ERC1: variants seen among roughly 807,000 people sequenced by gnomAD.
ERC1 encodes RAB6 interacting protein 2.
A neutral mutation model predicts 132.0 loss-of-function variants in ERC1; 56 were observed. That is an observed-to-expected ratio of 0.42 (90% CI 0.34 to 0.53). The LOEUF (loss-of-function observed/expected upper bound fraction) is 0.53. ERC1 is among the 20% of genes least tolerant of loss of function. The pLI is 0.03. For synonymous variants in ERC1, 478 were observed against 476.1 expected, an observed-to-expected ratio of 1.00 and a Z score of -0.05; for missense variants, 1,202 against 1,349.9, an observed-to-expected ratio of 0.89 and a Z score of 1.72.
intron 14 of ERC1, among the ~76,000 whole-genome samples, chr12:1,265,053 T>C (rs2077391802): frequency 6.6e-6 from 1 of 152,212 alleles, no homozygotes; most frequent in South Asian, 2.1e-4. Flanking sequence ...TGTTCCTAGA[T>C]AAATACCTTG....
intron 13 of ERC1, among the ~76,000 whole-genome samples, chr12:1,246,982 A>G (rs554433602): frequency 6.6e-6 from 1 of 152,334 alleles, no homozygotes; most frequent in East Asian, 1.9e-4. Context: ...ACAGAAAATT[A>G]GCTGGGTATA....
chr12:1,096,845 G>A lies in ERC1; in HGVS notation c.1087-7905G>A, dbSNP rs554960345. ...TCACAGCCACCCAGAAGTCCTGTAC[G>A]TGAACCAACCCAGCCAGAACTCTCC... On this transcript the variant is annotated intron_variant, in intron 3 of 18. Transcript: ENST00000360905. Among the ~76,000 whole-genome samples, 27 of 152,236 alleles carry A rather than the reference G, an allele frequency of 1.8e-4. No individual in the cohort carries two copies. In the South Asian group the frequency reaches 2.7e-3, roughly 15 times the overall value.
intron 14 of ERC1, among the ~76,000 whole-genome samples, chr12:1,282,486 G>A (rs1438627315): frequency 6.6e-6 from 1 of 152,072 alleles, no homozygotes; most frequent in Admixed American, 6.5e-5. Context: ...ATAAAATACT[G>A]TACTGCCGGT....
chr12:994,061 C>A (rs985571073), intron 1 of ERC1, among the ~76,000 whole-genome samples: 1 of 97,998 alleles, frequency 1.0e-5, no homozygotes, highest in Non-Finnish European at 1.9e-5. Context: ...GGCAAAACTC[C>A]GTCTCAAAAA....
intron 2 of ERC1, among the ~76,000 whole-genome samples, chr12:1,052,744 C>T (rs1005686067): frequency 2.7e-4 from 41 of 152,176 alleles, no homozygotes; most frequent in Non-Finnish European, 4.0e-4. Flanking sequence ...CGGAGGAGGG[C>T]GGATCACCTG....
At chr12:1,447,805 G>A (rs548056187) in intron 18 of ERC1, among the ~76,000 whole-genome samples, 2 of 151,854 alleles carry the variant, frequency 1.3e-5, no homozygotes, top group African/African-American at 4.8e-5. Flanking sequence ...GCGCGCCACC[G>A]TGCCCAGCTG....
intron 15 of ERC1, among the ~76,000 whole-genome samples, chr12:1,299,413 G>A (rs540103579): frequency 6.6e-6 from 1 of 152,264 alleles, no homozygotes; most frequent in East Asian, 1.9e-4. Context: ...TAAATACCAT[G>A]GCTTAGAGAA....
intron 8 of ERC1, among the ~76,000 whole-genome samples, chr12:1,155,357 G>A (rs1196497871): frequency 1.4e-5 from 2 of 146,340 alleles, no homozygotes; most frequent in East Asian, 2.0e-4. Context: ...ATTTCATCCA[G>A]CAGTCCCACT....
intron 18 of ERC1, among the ~76,000 whole-genome samples, chr12:1,448,700 C>T (rs2154414993): frequency 1.3e-5 from 2 of 152,376 alleles, no homozygotes; most frequent in South Asian, 4.1e-4. Flanking sequence ...ACACCACCGC[C>T]ATGAGGACAG....
At chr12:1,407,801 G>T (rs895383036) in intron 16 of ERC1, among the ~76,000 whole-genome samples, 1 of 152,118 alleles carries the variant, frequency 6.6e-6, no homozygotes, top group Non-Finnish European at 1.5e-5. Flanking sequence ...GATATAAAGA[G>T]AAATCCCTCT....
chr12:1,274,496 A>G (rs2078114380), intron 14 of ERC1, among the ~76,000 whole-genome samples: 1 of 151,112 alleles, frequency 6.6e-6, no homozygotes, highest in Non-Finnish European at 1.5e-5. Flanking sequence ...TTATTTATTT[A>G]TTTATTTATT....
chr12:1,033,863 C>G (rs1173675776), intron 2 of ERC1, among the ~76,000 whole-genome samples: 1 of 152,206 alleles, frequency 6.6e-6, no homozygotes, highest in East Asian at 1.9e-4. Flanking sequence ...CTCCTGACCT[C>G]AGGTGATCTG....
intron 1 of ERC1, among the ~76,000 whole-genome samples, chr12:1,021,684 A>G (rs142787568): frequency 0.013 from 2,006 of 150,642 alleles, 45 homozygotes; most frequent in African/African-American, 0.046. Flanking sequence ...GGGCGACAGA[A>G]CAAGACTCCG....
rs1353106616 is a variant in ERC1, at chr12:1,495,179, G to C, written c.*4949G>C. The C allele has an allele frequency of 4.3e-6, 1 of 230,632 alleles. No individual in the cohort carries two copies. Among genetic ancestry groups the C allele is most frequent in the Admixed American group, 5.7e-5 (1 of 17,666 alleles). The allele number at this position is 230,632 out of a possible 1,614,324, so 14.3% of individuals were successfully genotyped here. On this transcript the variant is annotated 3_prime_UTR_variant, in exon 19 of 19. Transcript: ENST00000360905. Reference sequence around the variant, plus strand: ...TTGACCCTGAAGCCCCTGCCTGGCAGGCCACAGGACCTCTCCTGCCCACTT... The same window carrying C: ...TTGACCCTGAAGCCCCTGCCTGGCACGCCACAGGACCTCTCCTGCCCACTT...
chr12:1,221,444 C>T (rs1462775496), intron 12 of ERC1, among the ~76,000 whole-genome samples: 1 of 152,072 alleles, frequency 6.6e-6, no homozygotes, highest in African/African-American at 2.4e-5. Context: ...CTGCAGTTTC[C>T]TTGCTGATTA....
At chr12:1,338,259 C>T (rs893636953) in intron 15 of ERC1, among the ~76,000 whole-genome samples, 2 of 152,174 alleles carry the variant, frequency 1.3e-5, no homozygotes, top group Non-Finnish European at 2.9e-5. Flanking sequence ...CTATTATTGT[C>T]TGACTTCCTT....
chr12:990,544 CCG>C (rs1166563815), upstream of ERC1: 1 of 152,274 alleles, frequency 6.6e-6, no homozygotes, highest in African/African-American at 2.4e-5. Flanking sequence ...CCCACGCTCC[CCG>C]CGTCCTGGCG....
chr12:1,177,564 C>G (rs1282655717), intron 8 of ERC1, among the ~76,000 whole-genome samples: 1 of 152,138 alleles, frequency 6.6e-6, no homozygotes, highest in South Asian at 2.1e-4. Context: ...ATCAGTGGAA[C>G]AGTCAGAACA....
chr12:1,002,032 T>A (rs1261365535), intron 1 of ERC1, among the ~76,000 whole-genome samples: 1 of 151,652 alleles, frequency 6.6e-6, no homozygotes, highest in Non-Finnish European at 1.5e-5. Context: ...AGCTGTTTTT[T>A]TGTATTTTAA....
Sources: gnomAD v4.1 joint callset for allele counts (sites outside exome capture counted in the v4.1 genomes callset) on GRCh38, gnomAD v4.1.1 for gene constraint, MANE v1.5 for transcripts, NCBI Gene and HGNC (gene_info 2026-07-23, HGNC 2026-07-21) for gene names.